Variants in ZNF587B observed in about 807,000 individuals in gnomAD.
ZNF587B encodes the protein zinc finger protein 587B.
A neutral mutation model predicts 7.2 loss-of-function variants in ZNF587B; 6 were observed. That is an observed-to-expected ratio of 0.83 (90% CI 0.46 to 1.65). The LOEUF is 1.65. Ranked by LOEUF, ZNF587B falls within the 40% of genes most tolerant of loss-of-function variation. The pLI, the probability that ZNF587B is intolerant of heterozygous loss-of-function variation, is 0.01. For synonymous variants in ZNF587B, 274 were observed against 254.3 expected, an observed-to-expected ratio of 1.08 and a Z score of -0.74; for missense variants, 749 against 761.0, an observed-to-expected ratio of 0.98 and a Z score of 0.19.
chr19:57,839,521 CTGCCT>C (rs1458533536), intron 2 of ZNF587B, among the ~76,000 whole-genome samples: 62 of 152,354 alleles, frequency 4.1e-4, no homozygotes, highest in South Asian at 2.9e-3. Flanking sequence ...GACTACATCA[CTGCCT>C]ATATAGACCA....
chr19:57,831,153 A>C (rs1009294858), intron 1 of ZNF587B, among the ~76,000 whole-genome samples: 2 of 152,184 alleles, frequency 1.3e-5, no homozygotes, highest in African/African-American at 4.8e-5. Context: ...GTCAGCTTGC[A>C]CAAGTTAAGT....
At position 57,841,358 on chromosome 19, in the gene ZNF587B, A is replaced by G. The variant is rs1310273741; in HGVS notation, c.684A>G (p.Ile228Met). 1.9e-6 allele frequency: 3 copies of G among 1,597,194 alleles called. No homozygotes were observed. The highest frequency in any genetic ancestry group is 2.6e-6 in the Non-Finnish European group (3 of 1,171,232). Residue 228 changes from isoleucine (I) to methionine (M), a missense_variant, in exon 3 of 3, where the codon ATA becomes ATG. Ile to Met is a conservative substitution (Grantham distance 10). Coordinates refer to ENST00000594901, the MANE Select transcript of ZNF587B (RefSeq NM_001376223.1). ...TGAAACATTTTAGCACCAAACATAT[A>G]CTCAGTCAGCACCAGAGACTTCTCC... Reference protein sequence around the residue: ...DSMKHFSTKHILSQHQRLLPR... With the variant: ...DSMKHFSTKHMLSQHQRLLPR...
chr19:57,843,912 T>C lies in ZNF587B; in HGVS notation c.*1336T>C, dbSNP rs1216469502. ...CTGCTTCTGGCCTTTTTAAAAATTT[T>C]TTAAATTTATATTTTTTGTAGAGAC... On this transcript the variant is annotated 3_prime_UTR_variant, in exon 3 of 3. Coordinates refer to ENST00000594901, the MANE Select transcript of ZNF587B (RefSeq NM_001376223.1). Among the ~76,000 whole-genome samples, 2 of 152,170 alleles carry C rather than the reference T, an allele frequency of 1.3e-5. No homozygotes were observed. The highest frequency in any genetic ancestry group is 4.8e-5 in the African/African-American group (2 of 41,442).
In ZNF587B at chr19:57,842,011, G is replaced by T; in HGVS notation, c.1337G>T (p.Cys446Phe). The T allele has an allele frequency of 1.9e-6, 3 of 1,599,876 alleles. No homozygotes were observed. Among genetic ancestry groups the T allele is most frequent in the Non-Finnish European group, 2.6e-6 (3 of 1,173,034 alleles). Reference protein sequence around the residue: ...RPYKCGECGKCFSHKGNLILH... With the variant: ...RPYKCGECGKFFSHKGNLILH... The stretch of plus-strand genomic sequence containing the variant: ...TATAAGTGTGGGGAATGTGGGAAAT[G>T]TTTTAGTCACAAGGGTAACCTCATT... The change falls in exon 3 of 3, where the codon TGT becomes TTT. Residue 446 changes from cysteine to phenylalanine, a missense_variant. Coordinates refer to ENST00000594901, the MANE Select transcript of ZNF587B (RefSeq NM_001376223.1).
intron 1 of ZNF587B, among the ~76,000 whole-genome samples, chr19:57,832,815 G>C (rs1442627920): frequency 6.6e-6 from 1 of 152,254 alleles, no homozygotes; most frequent in Non-Finnish European, 1.5e-5. Context: ...TACCACCTTT[G>C]TGGTCTTGAA....
chr19:57,839,652 C>T (rs1988762176), intron 2 of ZNF587B, among the ~76,000 whole-genome samples: 1 of 152,030 alleles, frequency 6.6e-6, no homozygotes, highest in African/African-American at 2.4e-5. Flanking sequence ...CTGTCTTTCC[C>T]TTAGTCTGTG....
At position 57,841,894 on chromosome 19, in the gene ZNF587B, A is replaced by G. The variant is rs1301514493; in HGVS notation, c.1220A>G (p.Glu407Gly). ...ATCCATCAGCGCATGCACACTGGAG[A>G]AAGACCTTACAAGTGTGGAGACTGT... ...LRIHQRMHTG[E>G]RPYKCGDCGK... Residue 407 changes from glutamate to glycine, a missense_variant, in exon 3 of 3, where the codon GAA becomes GGA. Around this residue, in one of 3 missense-constraint regions of ZNF587B, gnomAD observed 656 missense variants for 596.5 expected, o/e 1.10. Transcript: ENST00000594901. 6.2e-7 allele frequency: 1 copy of G among 1,613,868 alleles called. No individual in the cohort carries two copies. The highest frequency in any genetic ancestry group is 1.3e-5 in the African/African-American group (1 of 75,042).
Position 57,845,516 on chromosome 19 carries a change from T to C in ZNF587B, c.*2940T>C, listed in dbSNP as rs1325430709. The C allele has an allele frequency of 6.6e-6, 1 of 152,222 alleles. No individual in the cohort carries two copies. Among genetic ancestry groups the C allele is most frequent in the African/African-American group, 2.4e-5 (1 of 41,458 alleles). 9.4% of individuals were successfully genotyped at this position (152,222 alleles called of 1,614,324 possible). ...AATAGGGAAAAAGATCTCAGTTCAG[T>C]GATGTAGCTTTGTGACCAGCCAGTG... On this transcript the variant is annotated 3_prime_UTR_variant, in exon 3 of 3. Coordinates refer to ENST00000594901, the MANE Select transcript of ZNF587B (RefSeq NM_001376223.1).
At chr19:57,835,994 C>T (rs891578865) in intron 1 of ZNF587B, among the ~76,000 whole-genome samples, 1 of 151,630 alleles carries the variant, frequency 6.6e-6, no homozygotes, top group African/African-American at 2.4e-5. Flanking sequence ...GCCTGGGTCC[C>T]TGGCGGACAT....
intron 1 of ZNF587B, among the ~76,000 whole-genome samples, chr19:57,835,783 C>A (rs955416314): frequency 1.4e-5 from 2 of 140,136 alleles, no homozygotes; most frequent in African/African-American, 5.6e-5. Context: ...TCACCATGCT[C>A]AGACCCTGAG....
chr19:57,837,470 A>T (rs1175664238), intron 1 of ZNF587B, among the ~76,000 whole-genome samples: 47 of 142,468 alleles, frequency 3.3e-4, no homozygotes, highest in Admixed American at 1.5e-3. Flanking sequence ...TTTGTTTGAG[A>T]TGGAGTCTCG....
chr19:57,830,862 G>T (rs1467237195), intron 1 of ZNF587B, among the ~76,000 whole-genome samples: 1 of 152,064 alleles, frequency 6.6e-6, no homozygotes, highest in East Asian at 1.9e-4. Context: ...CAAAGTTCTC[G>T]CGGCCCCAAA....
At chr19:57,830,595 C>T (rs746561717) in intron 1 of ZNF587B, 31 bp downstream of exon 1, 11 of 1,549,008 alleles carry the variant, frequency 7.1e-6, no homozygotes. Flanking sequence ...GCCCTCAGGT[C>T]ACCTCATCAT....
rs1212726533 is a variant in ZNF587B at position 57,844,518 on chromosome 19, G to A, written c.*1942G>A. 3 of 195,680 alleles carry A rather than the reference G, an allele frequency of 1.5e-5. No homozygotes were observed. In the Admixed American group the frequency reaches 1.8e-4, roughly 12 times the overall value. 12.1% of individuals were successfully genotyped at this position (195,680 alleles called of 1,614,324 possible). On this transcript the variant is annotated 3_prime_UTR_variant, in exon 3 of 3. Coordinates refer to ENST00000594901, the MANE Select transcript of ZNF587B (RefSeq NM_001376223.1). ...AAGGACAGCATAGCTAAACTGCGTGGCCCAAGGGACAGCATGAATGCAGAA... is the reference window on the plus strand; with the variant it reads ...AAGGACAGCATAGCTAAACTGCGTGACCCAAGGGACAGCATGAATGCAGAA...
intron 1 of ZNF587B, among the ~76,000 whole-genome samples, chr19:57,838,303 A>T (rs1006650310): frequency 6.6e-6 from 1 of 151,370 alleles, no homozygotes; most frequent in African/African-American, 2.4e-5. Flanking sequence ...ATAAAAAAAA[A>T]AAGATACTTT....
At position 57,841,252 on chromosome 19, in the gene ZNF587B, C is replaced by A. The variant is rs1483316692; in HGVS notation, c.578C>A (p.Thr193Asn). ...TTACTCCAGCAGGAGGCCAGTCACA[C>A]TGGGGAGAAGTCAAACAGCAAAACT... ...SGLLQQEASH[T>N]GEKSNSKTEC... Residue 193 changes from threonine to asparagine, a missense_variant, in exon 3 of 3, where the codon ACT becomes AAT. By Grantham distance (65) the Thr-to-Asn change is moderately conservative. Coordinates refer to ENST00000594901, the MANE Select transcript of ZNF587B (RefSeq NM_001376223.1). The A allele has an allele frequency of 3.7e-6, 6 of 1,614,160 alleles. No individual in the cohort carries two copies. The highest frequency in any genetic ancestry group is 1.1e-5 in the South Asian group (1 of 91,078).
Position 57,842,349 on chromosome 19 carries a change from T to G in ZNF587B, c.1675T>G (p.Phe559Val). The G allele has an allele frequency of 1.2e-6, 2 of 1,606,824 alleles. No individual in the cohort carries two copies. The highest frequency in any genetic ancestry group is 1.7e-6 in the Non-Finnish European group (2 of 1,176,530). ...PYECSECGKS[F>V]AASSYLTSHR... ...TGAGTGCAGTGAATGTGGGAAATCT[T>G]TTGCTGCAAGCTCCTATCTCACTAG... Residue 559 changes from phenylalanine to valine, a missense_variant, in exon 3 of 3, where the codon TTT becomes GTT. Physicochemically the swap from Phe to Val is conservative, Grantham distance 50 (BLOSUM62 -1). Around this residue, in one of 3 missense-constraint regions of ZNF587B, gnomAD observed 656 missense variants for 596.5 expected, o/e 1.10. Coordinates refer to ENST00000594901, the MANE Select transcript of ZNF587B (RefSeq NM_001376223.1).
Position 57,843,721 on chromosome 19 carries a change from C to T in ZNF587B, c.*1145C>T, listed in dbSNP as rs1259680394. ...AGTTCAAGCAATTCTCCTTTCTCAG[C>T]CTCCTGAGTAGCTGGGATTACAGGT... is the stretch of plus-strand genomic sequence containing the variant. On this transcript the variant is annotated 3_prime_UTR_variant, in exon 3 of 3. Coordinates refer to ENST00000594901, the MANE Select transcript of ZNF587B (RefSeq NM_001376223.1). The T allele has an allele frequency of 2.0e-5, 7 of 354,230 alleles. No homozygotes were observed. The highest frequency in any genetic ancestry group is 7.9e-6 in the Non-Finnish European group (2 of 254,458). The allele number at this position is 354,230 out of a possible 1,614,324, so 21.9% of individuals were successfully genotyped here.
rs1196428495 is a variant in ZNF587B at position 57,830,461 on chromosome 19, A to G, written c.-68A>G. On this transcript the variant is annotated 5_prime_UTR_variant, in exon 1 of 3. Coordinates refer to ENST00000594901, the MANE Select transcript of ZNF587B (RefSeq NM_001376223.1). ...GACCCACCCCTGGGCCAGGATAGGG[A>G]CCGTCATGCCCATATCTCCTGGCTG... 1.3e-6 allele frequency: 2 copies of G among 1,521,254 alleles called. No individual in the cohort carries two copies. Among genetic ancestry groups the G allele is most frequent in the Admixed American group, 2.0e-5 (1 of 50,876 alleles). 94.2% of individuals were successfully genotyped at this position (1,521,254 alleles called of 1,614,324 possible). A position where few individuals can be genotyped will look rare whatever the true frequency, so the allele number is the denominator to read the frequency against.
Sources: allele counts gnomAD v4.1 joint callset (sites outside exome capture counted in the v4.1 genomes callset), GRCh38; gene constraint gnomAD v4.1.1; regional missense constraint gnomAD v4.1.1; transcripts MANE v1.5; gene names NCBI Gene and HGNC (gene_info 2026-07-23, HGNC 2026-07-21).